P2RX5: variants seen among roughly 807,000 people sequenced by gnomAD.
The protein encoded by P2RX5 is P2X purinoceptor 5.
P2RX5 carries 46 observed loss-of-function variants against 54.1 expected under a neutral mutation model. That is an observed-to-expected ratio of 0.85 (90% CI 0.67 to 1.09). P2RX5 has a LOEUF of 1.09. P2RX5 is among the 50% of genes least tolerant of loss of function. P2RX5 has a pLI of 0.00. For synonymous variants in P2RX5, 226 were observed against 226.4 expected, an observed-to-expected ratio of 1.00 and a Z score of 0.02; for missense variants, 566 against 549.8, an observed-to-expected ratio of 1.03 and a Z score of -0.29.
At chr17:3,691,843 G>T in intron 1 of P2RX5, 49 bp from the exon 2 acceptor site, 1 of 1,607,728 alleles carries the variant, frequency 6.2e-7, no homozygotes, top group South Asian at 1.1e-5. Flanking sequence ...TGCTGGCTTC[G>T]GGGAGCTTCC....
intron 11 of P2RX5, chr17:3,675,861 C>A (rs1335110640): frequency 1.0e-6 from 1 of 985,176 alleles, no homozygotes; most frequent in Non-Finnish European, 1.2e-6. Flanking sequence ...TGGATCTTTA[C>A]TTTCTAATCA....
chr17:3,700,983 C>A (rs892238814), upstream of P2RX5, among the ~76,000 whole-genome samples: 24 of 152,158 alleles, frequency 1.6e-4, no homozygotes, highest in African/African-American at 5.3e-4. Flanking sequence ...CCCCTCACTG[C>A]CTCACCACGG....
At position 3,691,726 on chromosome 17, in the gene P2RX5, T is replaced by C; in HGVS notation, c.206A>G (p.Lys69Arg). The C allele has an allele frequency of 6.2e-7, 1 of 1,614,150 alleles. No individual in the cohort carries two copies. Among genetic ancestry groups the C allele is most frequent in the Non-Finnish European group, 8.5e-7 (1 of 1,180,016 alleles). The change falls in exon 2 of 12, where the codon AAA (lysine) becomes AGA (arginine). Residue 69 changes from lysine (K) to arginine (R), a missense_variant. Coordinates refer to ENST00000225328, the MANE Select transcript of P2RX5 (RefSeq NM_002561.4). The part of the protein sequence containing the change: ...DTSLQSAVIT[K>R]VKGVAFTNTS... ...GTTGGTGAAGGCCACGCCCTTGACTTTGGTGATGACAGCACTCTGCAGGGA... is the reference window on the plus strand; with the variant it reads ...GTTGGTGAAGGCCACGCCCTTGACTCTGGTGATGACAGCACTCTGCAGGGA...
chr17:3,709,883 T>A, the P2RX5 span, among the ~76,000 whole-genome samples: 6 of 152,210 alleles, frequency 3.9e-5, no homozygotes, highest in African/African-American at 1.4e-4. Context: ...CACCCCAGCC[T>A]GGGCGAAAGA....
chr17:3,706,204 C>T, the P2RX5 span, among the ~76,000 whole-genome samples: 9 of 152,080 alleles, frequency 5.9e-5, no homozygotes, highest in African/African-American at 9.7e-5. Flanking sequence ...CTGCCTGCCT[C>T]AGCCTCCCAA....
chr17:3,714,873 C>G, the P2RX5 span: 1 of 1,610,590 alleles, frequency 6.2e-7, no homozygotes, highest in South Asian at 1.1e-5. Context: ...AGCAGATTCT[C>G]TGATTTCAGC....
intron 11 of P2RX5, chr17:3,675,530 C>T: frequency 1.0e-6 from 1 of 984,986 alleles, no homozygotes; most frequent in Non-Finnish European, 1.2e-6. Flanking sequence ...AGTGACACAC[C>T]TAAGTGGATC....
rs143004134 is a variant in P2RX5 at position 3,679,000 on chromosome 17, C to G, written c.1259+590G>C. ...CGCGGCCCAAGGACCCCCCTGGCAGCACGGCCAGCACCCTCCTGAGGCCGG... is the reference window on the plus strand; with the variant it reads ...CGCGGCCCAAGGACCCCCCTGGCAGGACGGCCAGCACCCTCCTGAGGCCGG... On this transcript the variant is annotated intron_variant, in intron 11 of 11. Coordinates refer to ENST00000225328, the MANE Select transcript of P2RX5 (RefSeq NM_002561.4). 3.8e-3 allele frequency among the ~76,000 whole-genome samples: 580 copies of G among 152,310 alleles called. 3 individuals carry two copies. Among genetic ancestry groups the G allele is most frequent in the African/African-American group, 0.012 (494 of 41,552 alleles).
upstream of P2RX5, among the ~76,000 whole-genome samples, chr17:3,700,781 T>A (rs2050811419): frequency 6.6e-6 from 1 of 152,156 alleles, no homozygotes; most frequent in African/African-American, 2.4e-5. Flanking sequence ...CTCTGGTAGT[T>A]CACGCGAGAG....
chr17:3,707,619 G>C, the P2RX5 span, among the ~76,000 whole-genome samples: 1 of 152,102 alleles, frequency 6.6e-6, no homozygotes, highest in East Asian at 1.9e-4. Context: ...GCTCGAAAAC[G>C]TCTGGCAGTT....
chr17:3,711,370 CTTTTT>C, the P2RX5 span, among the ~76,000 whole-genome samples: 31 of 63,084 alleles, frequency 4.9e-4, no homozygotes, highest in East Asian at 7.6e-4. Context: ...AGCACTCATT[CTTTTT>C]TTTTTTTTTT....
intron 11 of P2RX5, among the ~76,000 whole-genome samples, chr17:3,674,228 G>A (rs2050048425): frequency 6.6e-6 from 1 of 152,004 alleles, no homozygotes; most frequent in African/African-American, 2.4e-5. Context: ...GGGGAATGGC[G>A]TGAACCCGGG....
At chr17:3,685,841 TCCCCCGCC>T (rs2050447795) in intron 9 of P2RX5, among the ~76,000 whole-genome samples, 3 of 14,552 alleles carry the variant, frequency 2.1e-4, no homozygotes, top group Admixed American at 8.1e-4. Context: ...CCTCCCAACG[TCCCCCGCC>T]CCCCCGCCCA....
upstream of P2RX5, chr17:3,696,158 G>A (rs1371610112): frequency 1.6e-5 from 11 of 701,468 alleles, no homozygotes; most frequent in Non-Finnish European, 2.0e-5. Context: ...TGCGGGGCGC[G>A]GGGGCGGGTC....
Position 3,673,959 on chromosome 17 carries a change from G to T in P2RX5, c.1260-82C>A, listed in dbSNP as rs145036557. ...TGAGGCAACCAGTGCCCAGGGAGAA[G>T]GGCCTTCCCAAGTCTGAAAAGAGCT... On this transcript the variant is annotated intron_variant, in intron 11 of 11. Transcript: ENST00000225328. The T allele has an allele frequency of 3.9e-5, 50 of 1,276,678 alleles. No homozygotes were observed. In the East Asian group the frequency reaches 1.3e-3, roughly 32 times the overall value. 79.1% of individuals were successfully genotyped at this position (1,276,678 alleles called of 1,614,324 possible). A position where few individuals can be genotyped will look rare whatever the true frequency, so the allele number is the denominator to read the frequency against.
intron 11 of P2RX5, chr17:3,677,346 G>A (rs1597693254): frequency 6.3e-6 from 6 of 952,736 alleles, no homozygotes; most frequent in East Asian, 1.4e-4. Context: ...CGGGCGTCCC[G>A]AGGCTGGTGG....
intron 6 of P2RX5, 63 bp from the exon 7 acceptor site, chr17:3,689,693 G>T: frequency 1.2e-6 from 2 of 1,605,786 alleles, no homozygotes; most frequent in Non-Finnish European, 1.7e-6. Flanking sequence ...GGCCTGGCCA[G>T]GAGTCACTCG....
At chr17:3,698,970 C>G (rs1364304031), upstream of P2RX5, among the ~76,000 whole-genome samples, 1 of 151,856 alleles carries the variant, frequency 6.6e-6, no homozygotes. Flanking sequence ...CTTTGGGAGG[C>G]TGAAGCAGCA....
At chr17:3,705,438 G>A in the P2RX5 span, among the ~76,000 whole-genome samples, 2 of 152,240 alleles carry the variant, frequency 1.3e-5, no homozygotes, top group East Asian at 3.9e-4. Context: ...TTGCCCAGGT[G>A]GATCTCTCCT....
Sources: allele counts gnomAD v4.1 joint callset (sites outside exome capture counted in the v4.1 genomes callset), GRCh38; gene constraint gnomAD v4.1.1; transcripts MANE v1.5; gene names NCBI Gene and HGNC (gene_info 2026-07-23, HGNC 2026-07-21).